Variants in SNED1 observed in about 807,000 individuals in gnomAD.
SNED1 encodes the protein sushi, nidogen and EGF like domains 1.
In SNED1, 81 loss-of-function variants were observed where a neutral mutation model predicts 166.7. The observed-to-expected ratio is 0.49, with a 90% confidence interval of 0.41 to 0.58. The LOEUF (loss-of-function observed/expected upper bound fraction) is 0.58, where lower values mean the gene tolerates loss of function less well. Ranked by LOEUF, SNED1 falls within the 20% of genes least tolerant of loss-of-function variation. The pLI, the probability that SNED1 is intolerant of heterozygous loss-of-function variation, is 0.00. For missense variants in SNED1, 1,604 were observed against 2,000.2 expected, an observed-to-expected ratio of 0.80 and a Z score of 3.78; for synonymous variants, 762 against 822.0, an observed-to-expected ratio of 0.93 and a Z score of 1.25.
At position 241,018,377 on chromosome 2, in the gene SNED1, C is replaced by T. The variant is rs1241029902; in HGVS notation, c.214-11907C>T. 6.6e-6 allele frequency among the ~76,000 whole-genome samples: 1 copy of T among 152,204 alleles called. No homozygotes were observed. Among genetic ancestry groups the T allele is most frequent in the Non-Finnish European group, 1.5e-5 (1 of 68,038 alleles). On this transcript the variant is annotated intron_variant, in intron 1 of 31. Coordinates refer to ENST00000310397, the MANE Select transcript of SNED1 (RefSeq NM_001080437.3). The surrounding 1 kb of genome is among the most constrained non-coding windows in gnomAD (Gnocchi z 5.4). ...CAGAGATGGGGAACCCAGCGCAGGT[C>T]AGGTTGCCAGCTCAGCAGTAGCCTG...
At position 241,031,408 on chromosome 2, in the gene SNED1, G is replaced by A. The variant is rs577231725; in HGVS notation, c.501+837G>A. Among the ~76,000 whole-genome samples, 32 of 152,176 alleles carry A rather than the reference G, an allele frequency of 2.1e-4. No homozygotes were observed. In the East Asian group the frequency reaches 5.0e-3, roughly 24 times the overall value. ...TCGAACTCCTGACCTCAGGTGATCC[G>A]CCCACCTCGGCCTCCTAATAAACAC... On this transcript the variant is annotated intron_variant, in intron 2 of 31. Transcript: ENST00000310397.
rs557564291 is a variant in SNED1, at chr2:241,051,368, C to T, written c.1736-376C>T. ...TTGACTGCTGGGGACCCTGATGTCA[C>T]GGCAGATGAGACTCAGCTGCTTCCT... On this transcript the variant is annotated intron_variant, in intron 12 of 31. Transcript: ENST00000310397. This position sits in a 1 kb window ranked among gnomAD's most constrained non-coding sequence, Gnocchi z 4.7. The T allele has an allele frequency of 3.7e-4, 76 of 205,606 alleles. No homozygotes were observed. The highest frequency in any genetic ancestry group is 2.1e-3 in the East Asian group (19 of 9,220). 12.7% of individuals were successfully genotyped at this position (205,606 alleles called of 1,614,324 possible). A position where few individuals can be genotyped will look rare whatever the true frequency, so the allele number is the denominator to read the frequency against.
intron 21 of SNED1, 133 bp downstream of exon 21, chr2:241,065,728 G>A: frequency 1.2e-6 from 1 of 812,112 alleles, no homozygotes; most frequent in Non-Finnish European, 1.9e-6. Context: ...AGACAGCTGA[G>A]CTGGGGGTTG....
In SNED1 at chr2:241,064,061, G is replaced by A; in HGVS notation, c.2535G>A (p.Glu845=). Residue 845 remains glutamate (E), a synonymous_variant, in exon 19 of 32, where the codon GAG becomes GAA. Transcript: ENST00000310397. This position sits in a 1 kb window ranked among gnomAD's most constrained non-coding sequence, Gnocchi z 7.0. ...CCTGCCAGCATGGAGGCCGGTGTGA[G>A]AGCGGCGGCGGGGCCTACCTGTGCG... ...SSPCQHGGRC[E]SGGGAYLCVC... is the part of the protein sequence containing the mutation. The A allele has an allele frequency of 6.4e-7, 1 of 1,569,038 alleles. No individual in the cohort carries two copies. Among genetic ancestry groups the A allele is most frequent in the Non-Finnish European group, 8.6e-7 (1 of 1,158,232 alleles).
At chr2:241,078,842 G>A (rs1370651915) in intron 27 of SNED1, among the ~76,000 whole-genome samples, 2 of 151,974 alleles carry the variant, frequency 1.3e-5, no homozygotes, top group Admixed American at 6.5e-5. Context: ...GGCCAGGCAC[G>A]GTGGCTCATG....
chr2:241,030,704 T>A, intron 2 of SNED1, 133 bp downstream of exon 2: 1 of 966,540 alleles, frequency 1.0e-6, no homozygotes, highest in South Asian at 1.7e-5. Context: ...GAACACGTGG[T>A]CAAAACCACA....
At chr2:241,048,791 G>A (rs1374174748) in intron 10 of SNED1, 25 bp downstream of exon 10, 2 of 1,554,912 alleles carry the variant, frequency 1.3e-6, no homozygotes, top group East Asian at 2.3e-5. Flanking sequence ...CACCCTTCCT[G>A]CCCTGTCCCT....
At chr2:241,087,723 T>C in intron 30 of SNED1, 1 of 1,342,580 alleles carries the variant, frequency 7.4e-7, no homozygotes, top group Non-Finnish European at 9.5e-7. Flanking sequence ...TGGTTATGCA[T>C]ATTCACACAG....
At chr2:241,016,366 T>C (rs2060592415) in intron 1 of SNED1, among the ~76,000 whole-genome samples, 1 of 152,020 alleles carries the variant, frequency 6.6e-6, no homozygotes, top group Non-Finnish European at 1.5e-5. Context: ...CGGCTAATTC[T>C]TTTTGTATTT....
At chr2:241,032,547 A>G (rs903322583) in intron 2 of SNED1, among the ~76,000 whole-genome samples, 5 of 152,030 alleles carry the variant, frequency 3.3e-5, no homozygotes, top group Non-Finnish European at 7.4e-5. Context: ...TGACTAGGTA[A>G]TGGGTGCAGC....
At position 241,040,998 on chromosome 2, in the gene SNED1, G is replaced by A. The variant is rs528962718; in HGVS notation, c.1273+585G>A. The A allele has an allele frequency of 1.1e-4, 40 of 378,310 alleles. 1 individual carries two copies. Among genetic ancestry groups the A allele is most frequent in the South Asian group, 7.9e-4 (38 of 48,242 alleles). 23.4% of individuals were successfully genotyped at this position (378,310 alleles called of 1,614,324 possible). Reference sequence around the variant, plus strand: ...CCTCCAGAGGCTCACCCACTGTGCCGACTTCTGTGGACGCACCAGGTGCTG... The same window carrying A: ...CCTCCAGAGGCTCACCCACTGTGCCAACTTCTGTGGACGCACCAGGTGCTG... On this transcript the variant is annotated intron_variant, in intron 8 of 31. Coordinates refer to ENST00000310397, the MANE Select transcript of SNED1 (RefSeq NM_001080437.3).
chr2:241,001,198 T>C (rs1409105263), intron 1 of SNED1, among the ~76,000 whole-genome samples: 2 of 152,186 alleles, frequency 1.3e-5, no homozygotes, highest in Non-Finnish European at 2.9e-5. Context: ...ACCTCTGCGC[T>C]CCTCCGCCCC....
intron 16 of SNED1, among the ~76,000 whole-genome samples, chr2:241,058,209 A>G (rs1249381078): frequency 1.3e-5 from 2 of 152,338 alleles, no homozygotes; most frequent in Non-Finnish European, 2.9e-5. Context: ...GGTGTCTCTC[A>G]ATGATAATTG....
chr2:241,030,672 C>G, intron 2 of SNED1, 101 bp downstream of exon 2: 1 of 1,246,170 alleles, frequency 8.0e-7, no homozygotes, highest in Non-Finnish European at 1.1e-6. Context: ...GTGGTGCAGT[C>G]ACTGGTCCAT....
At chr2:241,059,679 C>G (rs1234313966) in intron 16 of SNED1, among the ~76,000 whole-genome samples, 17 of 152,182 alleles carry the variant, frequency 1.1e-4, no homozygotes, top group Non-Finnish European at 1.5e-5. Context: ...AAAGAGAAAA[C>G]TATATATCTC....
intron 11 of SNED1, among the ~76,000 whole-genome samples, chr2:241,049,589 A>G (rs1189921380): frequency 6.6e-6 from 1 of 152,198 alleles, no homozygotes; most frequent in Admixed American, 6.5e-5. Flanking sequence ...CCTGCCTCGT[A>G]GAAGACGGAA....
At position 241,016,836 on chromosome 2, in the gene SNED1, A is replaced by ATTTTTCT. The variant is rs2060607988; in HGVS notation, c.214-13445_214-13439dup. 2.8e-5 allele frequency among the ~76,000 whole-genome samples: 4 copies of ATTTTTCT among 142,494 alleles called. No individual in the cohort carries two copies. The Admixed American group carries it at 2.8e-4, about 10-fold the overall frequency. 93.5% of individuals were successfully genotyped at this position (142,494 alleles called of 152,430 possible). ...TTTCCACTTACATTTGATAAGTTGC[A>ATTTTTCT]TTTTTCTTTCTTTCTTTTTTTTTTT... On this transcript the variant is annotated intron_variant, in intron 1 of 31. Coordinates refer to ENST00000310397, the MANE Select transcript of SNED1 (RefSeq NM_001080437.3).
intron 1 of SNED1, among the ~76,000 whole-genome samples, chr2:241,006,778 T>C (rs2060232602): frequency 6.6e-6 from 1 of 152,186 alleles, no homozygotes; most frequent in African/African-American, 2.4e-5. Flanking sequence ...TGCTCAGATC[T>C]TGGCTGCTAA....
intron 12 of SNED1, chr2:241,050,164 A>G (rs2061793522): frequency 1.7e-6 from 1 of 580,446 alleles, no homozygotes. Flanking sequence ...TGCTCTTCTG[A>G]AAATAGGCTT....
Sources: allele counts gnomAD v4.1 joint callset (sites outside exome capture counted in the v4.1 genomes callset), GRCh38; gene constraint gnomAD v4.1.1; non-coding constraint Gnocchi (gnomAD v3.1); transcripts MANE v1.5; gene names NCBI Gene and HGNC (gene_info 2026-07-23, HGNC 2026-07-21).